Variants in RYR3 observed in about 807,000 individuals in gnomAD.
The protein encoded by RYR3 is ryanodine receptor 3.
Under a neutral mutation model 584.3 loss-of-function variants are expected in RYR3, and 207 were observed. The ratio of observed to expected loss-of-function variants is 0.35; its 90% confidence interval spans 0.32 to 0.40. RYR3 has a LOEUF of 0.40. Among genes scored for constraint, RYR3 ranks in the 10% least tolerant of loss-of-function variants. The probability of loss-of-function intolerance (pLI) is 1.00; values close to 1 mark genes in which losing one functional copy is unlikely to be tolerated. For missense variants in RYR3, 5,616 were observed against 6,089.2 expected, an observed-to-expected ratio of 0.92 and a Z score of 2.59; for synonymous variants, 2,416 against 2,248.5, an observed-to-expected ratio of 1.07 and a Z score of -2.11.
At chr15:33,430,796 C>T (rs1255724591) in intron 1 of RYR3, among the ~76,000 whole-genome samples, 2 of 152,198 alleles carry the variant, frequency 1.3e-5, no homozygotes, top group Non-Finnish European at 2.9e-5. Flanking sequence ...GGCTAGGTGC[C>T]AGGAATTTCC....
intron 21 of RYR3, 49 bp downstream of exon 21, chr15:33,628,624 G>A (rs1006730979): frequency 8.5e-7 from 1 of 1,174,346 alleles, no homozygotes; most frequent in South Asian, 1.2e-5. Context: ...TTGCCTTGTT[G>A]CCTGGAACTG....
At chr15:33,621,636 A>G (rs964383091) in intron 19 of RYR3, among the ~76,000 whole-genome samples, 4 of 152,168 alleles carry the variant, frequency 2.6e-5, no homozygotes, top group East Asian at 1.9e-4. Context: ...TTCTAACTCT[A>G]TATCATTATT....
At chr15:33,572,835 A>G (rs1280423970) in intron 12 of RYR3, among the ~76,000 whole-genome samples, 1 of 152,012 alleles carries the variant, frequency 6.6e-6, no homozygotes. Flanking sequence ...ATAGCCGGGC[A>G]TAGTGGCGCA....
intron 60 of RYR3, among the ~76,000 whole-genome samples, chr15:33,760,091 G>T (rs1055886665): frequency 6.6e-6 from 1 of 152,132 alleles, no homozygotes; most frequent in Non-Finnish European, 1.5e-5. Context: ...AATGCTGAGG[G>T]ATTTTGTCAC....
rs1279364551 is a variant in RYR3, at chr15:33,825,693, T to TTTC, written c.11146+17_11146+18insTTC. On this transcript the variant is annotated intron_variant, in intron 82 of 103. Transcript: ENST00000634891. ...AAGGAACACGTAAGTAACTAATGAA[T>TTTC]GTGAAGGCCATTCTCTTCCTGATTA... 1.4e-6 allele frequency: 2 copies of TTTC among 1,450,598 alleles called. No homozygotes were observed. The highest frequency in any genetic ancestry group is 1.9e-6 in the Non-Finnish European group (2 of 1,041,622). The allele number at this position is 1,450,598 out of a possible 1,614,324, so 89.9% of individuals were successfully genotyped here.
chr15:33,748,718 G>T (rs2070988898), intron 55 of RYR3, among the ~76,000 whole-genome samples, 188 bp downstream of exon 55: 1 of 152,174 alleles, frequency 6.6e-6, no homozygotes, highest in Non-Finnish European at 1.5e-5. Flanking sequence ...CCTCCAAGGG[G>T]AGGCTTTGCG....
chr15:33,726,571 C>T, intron 46 of RYR3, 65 bp downstream of exon 46: 1 of 1,499,802 alleles, frequency 6.7e-7, no homozygotes, highest in East Asian at 2.5e-5. Flanking sequence ...GGGCAGGACT[C>T]TGTCCCCAGC....
chr15:33,632,715 CT>C lies in RYR3; in HGVS notation c.2868-228del, dbSNP rs539506681. On this transcript the variant is annotated intron_variant, in intron 23 of 103. Coordinates refer to ENST00000634891, the MANE Select transcript of RYR3 (RefSeq NM_001036.6). Reference sequence around the variant, plus strand: ...AAAGATGGTTTGTATTGACCATCTGCTTTTTTCAAGTCTTCTTTGAAATACG... The same window carrying C: ...AAAGATGGTTTGTATTGACCATCTGCTTTTTCAAGTCTTCTTTGAAATACG... 3.9e-5 allele frequency among the ~76,000 whole-genome samples: 6 copies of C among 152,242 alleles called. No individual in the cohort carries two copies. In the South Asian group the frequency reaches 1.2e-3, roughly 32 times the overall value.
At position 33,530,518 on chromosome 15, in the gene RYR3, A is replaced by G. The variant is rs1298603780; in HGVS notation, c.280-74A>G. On this transcript the variant is annotated intron_variant, in intron 3 of 103. Transcript: ENST00000634891. ...CTTTTCCTGGTAGTCTGTCTCCCAG[A>G]ATTATTGTGTTGCTTGGCTCCCGGA... 6 of 1,009,682 alleles carry G rather than the reference A, an allele frequency of 5.9e-6. No homozygotes were observed. In the South Asian group the frequency reaches 8.0e-5, roughly 14 times the overall value. The allele number at this position is 1,009,682 out of a possible 1,614,324, so 62.5% of individuals were successfully genotyped here. A position where few individuals can be genotyped will look rare whatever the true frequency, so the allele number is the denominator to read the frequency against.
intron 1 of RYR3, among the ~76,000 whole-genome samples, chr15:33,469,103 T>G (rs1221625170): frequency 6.6e-6 from 1 of 152,182 alleles, no homozygotes; most frequent in Non-Finnish European, 1.5e-5. Flanking sequence ...TAAGTAACAC[T>G]GCAAAAAGTA....
At chr15:33,712,206 A>G (rs2067171676) in intron 43 of RYR3, among the ~76,000 whole-genome samples, 1 of 152,202 alleles carries the variant, frequency 6.6e-6, no homozygotes, top group Admixed American at 6.5e-5. Context: ...TTGTGAAGAC[A>G]GCCTCAAGCC....
chr15:33,768,562 T>G, intron 60 of RYR3, 96 bp from the exon 61 acceptor site: 1 of 1,049,186 alleles, frequency 9.5e-7, no homozygotes, highest in Non-Finnish European at 1.5e-6. Flanking sequence ...CTCTGTGCTC[T>G]CTGTTTCACA....
chr15:33,336,501 A>AGG (rs1434386520), intron 1 of RYR3, among the ~76,000 whole-genome samples: 617 of 19,048 alleles, frequency 0.032, 108 homozygotes, highest in Non-Finnish European at 0.042. Flanking sequence ...AAAGAAAGAA[A>AGG]GAAGGAGGGA....
At chr15:33,747,739 A>G (rs1266588936) in intron 53 of RYR3, among the ~76,000 whole-genome samples, 6 of 152,100 alleles carry the variant, frequency 3.9e-5, no homozygotes, top group Admixed American at 2.6e-4. Context: ...AGAATTCTAA[A>G]TCTAAGAAAT....
At position 33,581,516 on chromosome 15, in the gene RYR3, G is replaced by T. The variant is rs552954062; in HGVS notation, c.1446G>T (p.Leu482Phe). 1.2e-6 allele frequency: 2 copies of T among 1,613,456 alleles called. No individual in the cohort carries two copies. The highest frequency in any genetic ancestry group is 1.7e-6 in the Non-Finnish European group (2 of 1,179,582). ...RQNLFKEEGM[L>F]ALVLNCIDRL... Reference sequence around the variant, plus strand: ...TCCACTCTCCTTCTCAGGGAATGTTGGCCCTTGTCTTAAATTGCATTGACC... The same window carrying T: ...TCCACTCTCCTTCTCAGGGAATGTTTGCCCTTGTCTTAAATTGCATTGACC... The change falls in exon 14 of 104, where the codon TTG becomes TTT. Residue 482 changes from leucine to phenylalanine, a missense_variant. Leu to Phe is a conservative substitution (Grantham distance 22, BLOSUM62 0). This residue lies in a region of RYR3 where 1,284 missense variants were observed against 1,344.6 expected (regional missense o/e 0.95). Coordinates refer to ENST00000634891, the MANE Select transcript of RYR3 (RefSeq NM_001036.6).
chr15:33,792,379 G>T (rs1209669579), intron 67 of RYR3, among the ~76,000 whole-genome samples: 1 of 152,118 alleles, frequency 6.6e-6, no homozygotes. Flanking sequence ...TTCAGGAGGG[G>T]CACCCAGAAT....
At chr15:33,607,099 G>A (rs1445445515) in intron 18 of RYR3, among the ~76,000 whole-genome samples, 3 of 152,180 alleles carry the variant, frequency 2.0e-5, no homozygotes, top group Non-Finnish European at 4.4e-5. Flanking sequence ...GATCCGAGGA[G>A]TAGCTGCAGA....
chr15:33,831,762 G>A (rs765427621), intron 86 of RYR3, among the ~76,000 whole-genome samples: 9 of 152,096 alleles, frequency 5.9e-5, no homozygotes, highest in Non-Finnish European at 1.0e-4. Flanking sequence ...ATTAGTAGGC[G>A]TATCATTACC....
At chr15:33,436,657 C>G (rs538604869) in intron 1 of RYR3, among the ~76,000 whole-genome samples, 1 of 145,232 alleles carries the variant, frequency 6.9e-6, no homozygotes, top group Non-Finnish European at 1.5e-5. Flanking sequence ...CCTGCCACCA[C>G]GCCAGGCTAA....
Sources: gnomAD v4.1 joint callset for allele counts (sites outside exome capture counted in the v4.1 genomes callset) on GRCh38, gnomAD v4.1.1 for gene constraint, gnomAD v4.1.1 regional missense constraint, MANE v1.5 for transcripts, NCBI Gene and HGNC (gene_info 2026-07-23, HGNC 2026-07-21) for gene names.